The following CPNE6 variants were observed in gnomAD, a reference collection of about 807,000 sequenced individuals.
CPNE6 encodes copine 6.
A neutral mutation model predicts 71.5 loss-of-function variants in CPNE6; 33 were observed. The observed-to-expected ratio is 0.46, with a 90% CI of 0.35 to 0.62. The LOEUF is 0.62. CPNE6 is among the 20% of genes least tolerant of loss of function. CPNE6 has a pLI of 0.00. For missense variants in CPNE6, 576 were observed against 747.3 expected (o/e 0.77, Z 2.67); for synonymous variants, 296 against 293.0 (o/e 1.01, Z -0.10).
chr14:24,078,020 G>A, exon 18 of CPNE6: 1 of 322,826 alleles, frequency 3.1e-6, no homozygotes, highest in Non-Finnish European at 5.6e-6. Flanking sequence ...TCAATGCTGT[G>A]GCCCCTCAGT....
At chr14:24,076,322 C>T in intron 12 of CPNE6, 38 bp from the exon 12 acceptor site, 2 of 1,614,240 alleles carry the variant, frequency 1.2e-6, no homozygotes, top group Non-Finnish European at 1.7e-6. Context: ...GCAGGGAGGC[C>T]TTGCCCAACG....
Position 24,073,474 on chromosome 14 carries a change from C to A in CPNE6, c.169-25C>A. 3 of 1,605,692 alleles carry A rather than the reference C, an allele frequency of 1.9e-6. No individual in the cohort carries two copies. The highest frequency in any genetic ancestry group is 2.6e-6 in the Non-Finnish European group (3 of 1,175,502). On this transcript the variant is annotated intron_variant, in intron 3 of 17. Transcript: ENST00000397016. This position sits in a 1 kb window ranked among gnomAD's most constrained non-coding sequence, Gnocchi z 5.5. ...GTATCCTCGGTTCCCAGACAGCCCT[C>A]GCCTCCCTTCAACCACTACCACAGG...
chr14:24,072,981 G>A (rs892666560), exon 3 of CPNE6: 1 of 1,586,598 alleles, frequency 6.3e-7, no homozygotes, highest in African/African-American at 1.4e-5. Flanking sequence ...CCCCAACCAT[G>A]ACGCTGGGGG....
Position 24,074,270 on chromosome 14 carries a change from C to A in CPNE6, c.424-21C>A. On this transcript the variant is annotated intron_variant, in intron 5 of 17. Coordinates refer to ENST00000397016, the Ensembl canonical transcript of CPNE6. The surrounding 1 kb of genome is among the most constrained non-coding windows in gnomAD (Gnocchi z 4.5). Reference sequence around the variant, plus strand: ...TTGTGGTAAGGTTAGGGGAGTCCTGCCACTTGTATCCCCCTTGCAGATCGT... The same window carrying A: ...TTGTGGTAAGGTTAGGGGAGTCCTGACACTTGTATCCCCCTTGCAGATCGT... The A allele has an allele frequency of 6.3e-7, 1 of 1,594,330 alleles. No homozygotes were observed. The highest frequency in any genetic ancestry group is 1.1e-5 in the South Asian group (1 of 89,208).
Position 24,074,567 on chromosome 14 carries a change from T to A in CPNE6, c.535T>A (p.Tyr179Asn). The A allele has an allele frequency of 6.2e-7, 1 of 1,614,152 alleles. No individual in the cohort carries two copies. Among genetic ancestry groups the A allele is most frequent in the South Asian group, 1.1e-5 (1 of 91,078 alleles). The change falls in exon 7 of 18, where the codon TAT (tyrosine) becomes AAT (asparagine). Residue 179 changes from tyrosine (Y) to asparagine (N), a missense_variant. This residue lies in a region of CPNE6 where 214 missense variants were observed against 291.2 expected (regional missense o/e 0.73). Coordinates refer to ENST00000397016, the Ensembl canonical transcript of CPNE6. The surrounding 1 kb of genome is among the most constrained non-coding windows in gnomAD (Gnocchi z 4.5). Reference sequence around the variant, plus strand: ...CAAGTCTGACCCTTTCATGGAAATCTATAAGACCAACGAGGACCAAAGTGA... The same window carrying A: ...CAAGTCTGACCCTTTCATGGAAATCAATAAGACCAACGAGGACCAAAGTGA...
chr14:24,071,201 A>G, intron 1 of CPNE6: 1 of 984,126 alleles, frequency 1.0e-6, no homozygotes. Flanking sequence ...GAGTTTATGT[A>G]CTGGCGCCTG....
In CPNE6 at chr14:24,077,910, C is replaced by T. The variant is rs910060963; in HGVS notation, c.*60C>T. ...CAGGTGCCTGTCCTGACCCTCGTGA[C>T]TCCAGTGACCAATGCCTCCACCTCT... On this transcript the variant is annotated 3_prime_UTR_variant, in exon 18 of 18. Transcript: ENST00000397016. The surrounding 1 kb of genome is among the most constrained non-coding windows in gnomAD (Gnocchi z 6.1). The T allele has an allele frequency of 1.7e-6, 1 of 579,972 alleles. No homozygotes were observed. Among genetic ancestry groups the T allele is most frequent in the African/African-American group, 1.9e-5 (1 of 53,054 alleles). The allele number at this position is 579,972 out of a possible 1,614,324, so 35.9% of individuals were successfully genotyped here.
At chr14:24,078,006 C>G in exon 18 of CPNE6, 1 of 348,346 alleles carries the variant, frequency 2.9e-6, no homozygotes, top group Non-Finnish European at 5.2e-6. Flanking sequence ...AAACCCCATA[C>G]CCTTCAATGC....
Position 24,074,262 on chromosome 14 carries a change from G to A in CPNE6, c.424-29G>A. 7 of 1,599,630 alleles carry A rather than the reference G, an allele frequency of 4.4e-6. No homozygotes were observed. The highest frequency in any genetic ancestry group is 5.1e-6 in the Non-Finnish European group (6 of 1,169,812). On this transcript the variant is annotated intron_variant, in intron 5 of 17. Transcript: ENST00000397016. This position sits in a 1 kb window ranked among gnomAD's most constrained non-coding sequence, Gnocchi z 4.5. Reference sequence around the variant, plus strand: ...GGTGGCCCTTGTGGTAAGGTTAGGGGAGTCCTGCCACTTGTATCCCCCTTG... The same window carrying A: ...GGTGGCCCTTGTGGTAAGGTTAGGGAAGTCCTGCCACTTGTATCCCCCTTG...
exon 15 of CPNE6, chr14:24,076,950 G>T (rs777107957): frequency 6.2e-7 from 1 of 1,613,078 alleles, no homozygotes; most frequent in Non-Finnish European, 8.5e-7. Context: ...CACCAATGTG[G>T]CCCCCATCAT....
intron 2 of CPNE6, chr14:24,072,606 C>T (rs542814432): frequency 8.3e-6 from 2 of 240,170 alleles, no homozygotes; most frequent in East Asian, 1.6e-4. Flanking sequence ...GCAGAAGGTG[C>T]TGAGGCGGCA....
chr14:24,072,020 C>T (rs1446522912), intron 2 of CPNE6: 4 of 210,360 alleles, frequency 1.9e-5, no homozygotes, highest in East Asian at 1.3e-4. Flanking sequence ...CACACTCACT[C>T]GGGGAAGCAT....
intron 1 of CPNE6, 59 bp from the exon 1 acceptor site, chr14:24,071,503 C>CT: frequency 1.3e-6 from 1 of 750,394 alleles, no homozygotes; most frequent in Non-Finnish European, 1.9e-6. Context: ...GGTGCTGCGC[C>CT]CCCCCCCACC....
rs778774164 is a variant in CPNE6, at chr14:24,077,022, C to T, written c.1299+10C>T. 8.7e-6 allele frequency: 14 copies of T among 1,608,368 alleles called. No homozygotes were observed. In the East Asian group the frequency reaches 3.1e-4, roughly 36 times the overall value. The stretch of plus-strand genomic sequence containing the variant: ...CACCGGCCAAGCCACGGTAGGAAGA[C>T]ATGGCGGGCAAACAGGAGCTGTCCC... On this transcript the variant is annotated intron_variant, in intron 15 of 17. Transcript: ENST00000397016. The surrounding 1 kb of genome is among the most constrained non-coding windows in gnomAD (Gnocchi z 6.1).
At chr14:24,071,509 C>CCCCCCCCCCCCCA in intron 1 of CPNE6, 53 bp from the exon 1 acceptor site, 1 of 1,491,538 alleles carries the variant, frequency 6.7e-7, no homozygotes, top group Non-Finnish European at 8.9e-7. Context: ...GCGCCCCCCC[C>CCCCCCCCCCCCCA]CACCCCTCCC....
chr14:24,071,520 C>CCCCCCCCCCCCCCCCCAAA, intron 1 of CPNE6, 42 bp from the exon 1 acceptor site: 2 of 1,488,054 alleles, frequency 1.3e-6, no homozygotes, highest in Non-Finnish European at 1.8e-6. Context: ...CACCCCTCCC[C>CCCCCCCCCCCCCCCCCAAA]ATCCAGGCCC....
chr14:24,077,287 AC>A lies in CPNE6; in HGVS notation c.1434del (p.Asp478GlufsTer159). 1 of 1,613,830 alleles carries A rather than the reference AC, an allele frequency of 6.2e-7. No homozygotes were observed. The highest frequency in any genetic ancestry group is 8.5e-7 in the Non-Finnish European group (1 of 1,180,002). On this transcript the variant is annotated frameshift_variant, in exon 16 of 18. Coordinates refer to ENST00000397016, the Ensembl canonical transcript of CPNE6. LOFTEE classifies it high-confidence loss of function. The surrounding 1 kb of genome is among the most constrained non-coding windows in gnomAD (Gnocchi z 6.1). ...GGCGTGGGCAATGCTGACTTCTCTG[AC>A]ATGCGGCTGCTGGATGGCGACGACG... is the stretch of plus-strand genomic sequence containing the variant.
Position 24,075,582 on chromosome 14 carries a change from C to T in CPNE6, c.855C>T (p.Ala285=). 7 of 1,610,540 alleles carry T rather than the reference C, an allele frequency of 4.3e-6. No homozygotes were observed. The highest frequency in any genetic ancestry group is 5.9e-6 in the Non-Finnish European group (7 of 1,178,384). Residue 285 remains alanine, a synonymous_variant, in exon 10 of 18, where the codon GCC becomes GCT. Transcript: ENST00000397016. The surrounding 1 kb of genome is among the most constrained non-coding windows in gnomAD (Gnocchi z 4.3). Reference sequence around the variant, plus strand: ...AGAGCTCAGGGACGGTAGTGCTGGCCCAGTGCACGGTAAATTTCACTTCCT... The same window carrying T: ...AGAGCTCAGGGACGGTAGTGCTGGCTCAGTGCACGGTAAATTTCACTTCCT...
At chr14:24,076,100 C>G in intron 11 of CPNE6, 49 bp from the exon 11 acceptor site, 1 of 1,599,168 alleles carries the variant, frequency 6.3e-7, no homozygotes, top group East Asian at 2.2e-5. Context: ...CCTAGGCAAT[C>G]TGGTGGCTCT....
Sources: gnomAD v4.1 joint callset for allele counts on GRCh38, gnomAD v4.1.1 for gene constraint, gnomAD v4.1.1 regional missense constraint, Gnocchi (gnomAD v3.1) non-coding constraint, MANE v1.5 for transcripts, NCBI Gene and HGNC (gene_info 2026-07-23, HGNC 2026-07-21) for gene names.